The following POU2F1 variants were observed in gnomAD, a reference collection of about 807,000 sequenced individuals.
POU2F1 encodes POU domain, class 2, transcription factor 1.
Under a neutral mutation model 84.9 loss-of-function variants are expected in POU2F1, and 16 were observed. That is an observed-to-expected ratio of 0.19 (90% CI 0.13 to 0.29). POU2F1 has a LOEUF of 0.29. Among genes scored for constraint, POU2F1 ranks in the 10% least tolerant of loss-of-function variants. The probability of loss-of-function intolerance (pLI) is 1.00; values close to 1 mark genes in which losing one functional copy is unlikely to be tolerated. For synonymous variants in POU2F1, 368 were observed against 368.3 expected, an observed-to-expected ratio of 1.00 and a Z score of 0.01; for missense variants, 738 against 942.6, an observed-to-expected ratio of 0.78 and a Z score of 2.84.
intron 13 of POU2F1, among the ~76,000 whole-genome samples, chr1:167,405,235 C>T (rs1285163795): frequency 2.6e-5 from 4 of 152,034 alleles, no homozygotes; most frequent in Non-Finnish European, 5.9e-5. Context: ...GTTGATTCCT[C>T]AGGAAGATAT....
At chr1:167,225,280 C>T (rs1173442382) in intron 1 of POU2F1, among the ~76,000 whole-genome samples, 1 of 152,206 alleles carries the variant, frequency 6.6e-6, no homozygotes, top group Non-Finnish European at 1.5e-5. Context: ...TTTTTAACCT[C>T]TTCCCTCAAA....
chr1:167,407,235 G>C (rs1649646499), intron 13 of POU2F1, among the ~76,000 whole-genome samples: 1 of 151,980 alleles, frequency 6.6e-6, no homozygotes, highest in African/African-American at 2.4e-5. Flanking sequence ...TTGCCATATT[G>C]CCCAGGCTGG....
intron 1 of POU2F1, among the ~76,000 whole-genome samples, chr1:167,327,182 G>A (rs982533237): frequency 3.9e-5 from 6 of 152,172 alleles, no homozygotes; most frequent in Admixed American, 1.3e-4. Flanking sequence ...AGATGGACAT[G>A]TTTATCCAGT....
chr1:167,385,931 T>C (rs1571416653), intron 8 of POU2F1, among the ~76,000 whole-genome samples: 2 of 152,194 alleles, frequency 1.3e-5, no homozygotes, highest in South Asian at 2.1e-4. Flanking sequence ...TTTAAAGGAA[T>C]GGGCAGCAAA....
Position 167,421,140 on chromosome 1 carries a change from C to T in POU2F1, c.*5330C>T, listed in dbSNP as rs1204847258. 2 of 152,182 alleles carry T rather than the reference C, an allele frequency of 1.3e-5. No homozygotes were observed. Among genetic ancestry groups the T allele is most frequent in the Non-Finnish European group, 1.5e-5 (1 of 68,022 alleles). The allele number at this position is 152,182 out of a possible 1,614,324, so 9.4% of individuals were successfully genotyped here. On this transcript the variant is annotated 3_prime_UTR_variant, in exon 16 of 16. Transcript: ENST00000367866. ...CAGTTTTACAACATTTTGAGGATGA[C>T]ACTTTATAAAATGGTAAATCTTTCT...
At chr1:167,392,400 T>C (rs986732776) in intron 9 of POU2F1, among the ~76,000 whole-genome samples, 5 of 151,274 alleles carry the variant, frequency 3.3e-5, no homozygotes, top group Non-Finnish European at 4.4e-5. Context: ...TAGAACTAGA[T>C]TGATATGAGT....
chr1:167,297,424 A>G (rs552175508), intron 1 of POU2F1, among the ~76,000 whole-genome samples: 1 of 152,250 alleles, frequency 6.6e-6, no homozygotes, highest in Non-Finnish European at 1.5e-5. Context: ...CTTTACCCTC[A>G]TGGTTGCAAA....
intron 5 of POU2F1, among the ~76,000 whole-genome samples, chr1:167,372,842 G>T (rs1227075194): frequency 6.6e-6 from 1 of 152,104 alleles, no homozygotes; most frequent in Non-Finnish European, 1.5e-5. Flanking sequence ...AATTATCTTT[G>T]TGGGGGTTGG....
intron 1 of POU2F1, among the ~76,000 whole-genome samples, chr1:167,260,363 G>A (rs902110909): frequency 1.3e-5 from 2 of 152,096 alleles, no homozygotes; most frequent in Non-Finnish European, 2.9e-5. Flanking sequence ...ATGAAAACAA[G>A]TTTTTAATTT....
At chr1:167,268,226 CTTAT>C (rs1652120144) in intron 1 of POU2F1, among the ~76,000 whole-genome samples, 1 of 151,902 alleles carries the variant, frequency 6.6e-6, no homozygotes, top group African/African-American at 2.4e-5. Context: ...TATTTTATAC[CTTAT>C]TTATCTACTT....
In POU2F1 at chr1:167,418,766, G is replaced by A. The variant is rs1656962889; in HGVS notation, c.*2956G>A. 6.6e-6 allele frequency: 1 copy of A among 152,040 alleles called. No homozygotes were observed. Among genetic ancestry groups the A allele is most frequent in the Non-Finnish European group, 1.5e-5 (1 of 67,994 alleles). The allele number at this position is 152,040 out of a possible 1,614,324, so 9.4% of individuals were successfully genotyped here. ...ACTAAGCTTTAAATGTCAATACAGTGGTCTTTTATTCCCTGCCCTGTCTAT... is the reference window on the plus strand; with the variant it reads ...ACTAAGCTTTAAATGTCAATACAGTAGTCTTTTATTCCCTGCCCTGTCTAT... On this transcript the variant is annotated 3_prime_UTR_variant, in exon 16 of 16. Coordinates refer to ENST00000367866, the MANE Select transcript of POU2F1 (RefSeq NM_002697.4).
At chr1:167,299,334 A>G (rs1459189169) in intron 1 of POU2F1, among the ~76,000 whole-genome samples, 1 of 152,184 alleles carries the variant, frequency 6.6e-6, no homozygotes, top group African/African-American at 2.4e-5. Context: ...TTTTAAAAAA[A>G]TCTTACAAGT....
rs1050981025 is a variant in POU2F1 at position 167,413,008 on chromosome 1, C to T, written c.1902-18C>T. 1.2e-6 allele frequency: 2 copies of T among 1,604,628 alleles called. No homozygotes were observed. Among genetic ancestry groups the T allele is most frequent in the South Asian group, 1.1e-5 (1 of 90,820 alleles). On this transcript the variant is annotated intron_variant, in intron 14 of 15. Transcript: ENST00000367866. ...GCGTCTGCATGGTAATAAAGTGACT[C>T]CTCTTTTGGACTTGCAGAGGTGCCT...
At chr1:167,321,542 G>A (rs1487839387) in intron 1 of POU2F1, among the ~76,000 whole-genome samples, 1 of 152,130 alleles carries the variant, frequency 6.6e-6, no homozygotes, top group Non-Finnish European at 1.5e-5. Flanking sequence ...ACAAAGACTG[G>A]AGAATTCTGG....
intron 1 of POU2F1, chr1:167,241,349 TAA>T (rs1649888680): frequency 6.6e-6 from 1 of 152,116 alleles, no homozygotes; most frequent in Non-Finnish European, 1.5e-5. Context: ...CCGGGTGAAA[TAA>T]CTAAATATTT....
intron 13 of POU2F1, among the ~76,000 whole-genome samples, chr1:167,408,382 A>G (rs1649731543): frequency 6.6e-6 from 1 of 152,226 alleles, no homozygotes; most frequent in East Asian, 1.9e-4. Context: ...AAATGAAGAC[A>G]TTTCTACACA....
chr1:167,401,580 C>T (rs1433746314), intron 13 of POU2F1, 24 bp downstream of exon 13: 1 of 1,544,970 alleles, frequency 6.5e-7, no homozygotes, highest in Non-Finnish European at 8.9e-7. Context: ...AGGCCATGCA[C>T]CTGCTGAGCA....
intron 5 of POU2F1, among the ~76,000 whole-genome samples, chr1:167,372,726 T>C (rs1660088311): frequency 6.6e-6 from 1 of 152,216 alleles, no homozygotes; most frequent in Admixed American, 6.5e-5. Context: ...TTTTTTATGG[T>C]TAATAAATTG....
chr1:167,359,190 T>TA (rs34898347), intron 2 of POU2F1, among the ~76,000 whole-genome samples: 219 of 145,296 alleles, frequency 1.5e-3, no homozygotes, highest in Middle Eastern at 7.1e-3. Flanking sequence ...AGACTTTTTT[T>TA]AAAAAAAAAA....
Sources: allele counts gnomAD v4.1 joint callset (sites outside exome capture counted in the v4.1 genomes callset), GRCh38; gene constraint gnomAD v4.1.1; transcripts MANE v1.5; gene names NCBI Gene and HGNC (gene_info 2026-07-23, HGNC 2026-07-21).